The following AGBL4 variants were observed in gnomAD, a reference collection of about 807,000 sequenced individuals.
The protein encoded by AGBL4 is AGBL carboxypeptidase 4.
AGBL4 carries 58 observed loss-of-function variants against 66.4 expected under a neutral mutation model. The ratio of observed to expected loss-of-function variants is 0.87; its 90% CI spans 0.71 to 1.09. AGBL4 has a LOEUF of 1.09. AGBL4 is among the 50% of genes least tolerant of loss of function. The pLI is 0.00. For synonymous variants in AGBL4, 234 were observed against 222.9 expected, an observed-to-expected ratio of 1.05 and a Z score of -0.44; for missense variants, 579 against 631.0, an observed-to-expected ratio of 0.92 and a Z score of 0.88.
At chr1:49,511,536 C>A (rs1649253949) in intron 3 of AGBL4, among the ~76,000 whole-genome samples, 1 of 151,298 alleles carries the variant, frequency 6.6e-6, no homozygotes, top group South Asian at 2.1e-4. Flanking sequence ...AGCACACCAG[C>A]ATGGCACATG....
intron 7 of AGBL4, among the ~76,000 whole-genome samples, chr1:48,661,709 C>A (rs1646110267): frequency 6.6e-6 from 1 of 152,222 alleles, no homozygotes; most frequent in Admixed American, 6.5e-5. Context: ...TGCTCTCTGT[C>A]TACTGCCCAC....
chr1:49,013,571 G>C (rs1206437261), intron 5 of AGBL4, among the ~76,000 whole-genome samples: 4 of 152,144 alleles, frequency 2.6e-5, no homozygotes, highest in African/African-American at 9.7e-5. Context: ...CCCAGAAGAG[G>C]CTTCTCTGAG....
intron 6 of AGBL4, among the ~76,000 whole-genome samples, chr1:48,819,260 T>C (rs536308220): frequency 6.6e-6 from 1 of 152,326 alleles, no homozygotes; most frequent in Non-Finnish European, 1.5e-5. Context: ...GAATCTGTTA[T>C]GTTTTGGGGA....
In AGBL4 at chr1:49,905,261, G is replaced by A. The variant is rs560787338; in HGVS notation, c.35-53743C>T. Among the ~76,000 whole-genome samples, 31 of 152,092 alleles carry A rather than the reference G, an allele frequency of 2.0e-4. No individual in the cohort carries two copies. In the South Asian group the frequency reaches 3.5e-3, roughly 17 times the overall value. ...ATGTATCCTGAGTAAGGTTGTTTGG[G>A]GCCTTGACATGGGTGGATTAAAGCA... is the stretch of plus-strand genomic sequence containing the variant. On this transcript the variant is annotated intron_variant, in intron 1 of 13. Coordinates refer to ENST00000371839, the MANE Select transcript of AGBL4 (RefSeq NM_032785.4).
At chr1:49,197,839 A>G (rs927860150) in intron 4 of AGBL4, among the ~76,000 whole-genome samples, 1 of 152,060 alleles carries the variant, frequency 6.6e-6, no homozygotes, top group Non-Finnish European at 1.5e-5. Flanking sequence ...AGTCCACACT[A>G]TATTCATTTC....
intron 1 of AGBL4, among the ~76,000 whole-genome samples, chr1:50,002,272 T>C (rs932741887): frequency 6.6e-6 from 1 of 152,110 alleles, no homozygotes; most frequent in African/African-American, 2.4e-5. Context: ...TATAGCCAGT[T>C]TGGGAAAAGA....
At chr1:49,633,390 G>A (rs116106611) in intron 3 of AGBL4, among the ~76,000 whole-genome samples, 1,663 of 152,282 alleles carry the variant, frequency 0.011, 26 homozygotes, top group African/African-American at 0.038. Flanking sequence ...AGGAAGATTT[G>A]TTAAAATATG....
intron 3 of AGBL4, among the ~76,000 whole-genome samples, chr1:49,616,708 C>T (rs781412664): frequency 3.3e-5 from 5 of 152,134 alleles, no homozygotes; most frequent in African/African-American, 4.8e-5. Flanking sequence ...CTTATCTTTC[C>T]TCTCAAACTT....
At chr1:49,709,396 C>T (rs551956756) in intron 2 of AGBL4, among the ~76,000 whole-genome samples, 12 of 152,292 alleles carry the variant, frequency 7.9e-5, no homozygotes, top group East Asian at 3.9e-4. Flanking sequence ...GCATGGTGGA[C>T]GGCCCTTTCC....
intron 3 of AGBL4, among the ~76,000 whole-genome samples, chr1:49,477,085 G>A (rs1027174525): frequency 6.6e-6 from 1 of 152,014 alleles, no homozygotes; most frequent in Non-Finnish European, 1.5e-5. Context: ...TTAAGTTTTC[G>A]ACTCTAGTCC....
At chr1:49,542,896 CAAAAAA>C (rs35734647) in intron 3 of AGBL4, among the ~76,000 whole-genome samples, 4 of 22,874 alleles carry the variant, frequency 1.7e-4, no homozygotes, top group Admixed American at 8.2e-4. Flanking sequence ...AAGACTCCAT[CAAAAAA>C]AAAAAAAAAA....
chr1:49,368,127 A>G (rs1334412387), intron 3 of AGBL4, among the ~76,000 whole-genome samples: 1 of 152,202 alleles, frequency 6.6e-6, no homozygotes, highest in East Asian at 1.9e-4. Context: ...ATATTCTACT[A>G]TATGGATATG....
At chr1:48,752,216 T>C (rs1651855745) in intron 6 of AGBL4, among the ~76,000 whole-genome samples, 1 of 152,142 alleles carries the variant, frequency 6.6e-6, no homozygotes, top group South Asian at 2.1e-4. Flanking sequence ...AACTTTTTTA[T>C]AGTACTCCTG....
At chr1:49,964,628 A>G (rs1657403220) in intron 1 of AGBL4, among the ~76,000 whole-genome samples, 1 of 152,150 alleles carries the variant, frequency 6.6e-6, no homozygotes, top group Non-Finnish European at 1.5e-5. Flanking sequence ...GTTATTACAG[A>G]AATCATCCAC....
intron 5 of AGBL4, among the ~76,000 whole-genome samples, chr1:48,932,133 C>G (rs1009083507): frequency 8.5e-5 from 13 of 152,204 alleles, no homozygotes; most frequent in African/African-American, 2.9e-4. Flanking sequence ...CTGCCTTCTT[C>G]TGGCCTGATT....
intron 4 of AGBL4, among the ~76,000 whole-genome samples, chr1:49,122,117 C>G (rs1371660042): frequency 6.6e-6 from 1 of 152,244 alleles, no homozygotes. Context: ...CACACTGTCA[C>G]AGCTTCCCTT....
chr1:48,825,283 T>G (rs72890070), intron 6 of AGBL4, among the ~76,000 whole-genome samples: 3 of 152,154 alleles, frequency 2.0e-5, no homozygotes, highest in African/African-American at 7.2e-5. Flanking sequence ...TGACTTCCAA[T>G]ACTCCAACCA....
chr1:49,651,027 T>C (rs1303489348), intron 3 of AGBL4, among the ~76,000 whole-genome samples: 2 of 152,068 alleles, frequency 1.3e-5, no homozygotes, highest in Admixed American at 1.3e-4. Flanking sequence ...AGCAGTAGCG[T>C]CCTAGCAACA....
chr1:49,514,501 A>G (rs1004575195), intron 3 of AGBL4, among the ~76,000 whole-genome samples: 14 of 151,998 alleles, frequency 9.2e-5, no homozygotes, highest in Non-Finnish European at 1.2e-4. Context: ...CCATCAAGCT[A>G]CCAATGACTT....
Sources: allele counts gnomAD v4.1 joint callset (sites outside exome capture counted in the v4.1 genomes callset), GRCh38; gene constraint gnomAD v4.1.1; transcripts MANE v1.5; gene names NCBI Gene and HGNC (gene_info 2026-07-23, HGNC 2026-07-21).